Variants in ELP4 observed in about 807,000 individuals in gnomAD.
ELP4 encodes the protein elongator complex protein 4.
A neutral mutation model predicts 48.9 loss-of-function variants in ELP4; 51 were observed. That is an observed-to-expected ratio of 1.04 (90% confidence interval 0.83 to 1.32). The LOEUF is 1.32. Among genes scored for constraint, ELP4 ranks in the 40% most tolerant of loss-of-function variants. The pLI, the probability that ELP4 is intolerant of heterozygous loss-of-function variation, is 0.00. For missense variants in ELP4, 519 were observed against 514.6 expected, an observed-to-expected ratio of 1.01 and a Z score of -0.08; for synonymous variants, 210 against 189.2, an observed-to-expected ratio of 1.11 and a Z score of -0.90.
At chr11:31,541,886 G>A (rs777317847) in intron 3 of ELP4, among the ~76,000 whole-genome samples, 1 of 152,018 alleles carries the variant, frequency 6.6e-6, no homozygotes, top group Admixed American at 6.6e-5. Flanking sequence ...CAAGTAATTG[G>A]GTGTTGCAAA....
chr11:31,604,008 CATA>C lies in ELP4; in HGVS notation c.653+109_653+111del, dbSNP rs565497536. On this transcript the variant is annotated intron_variant, in intron 5 of 9. Coordinates refer to ENST00000640961, the MANE Select transcript of ELP4 (RefSeq NM_019040.5). ...AGAATACACATCTAAGGGTAAATATCATAATAATAAATATTAGTTTTCTATATA... is the reference window on the plus strand; with the variant it reads ...AGAATACACATCTAAGGGTAAATATCATAATAAATATTAGTTTTCTATATA... 567 of 824,382 alleles carry C rather than the reference CATA, an allele frequency of 6.9e-4. 2 individuals are homozygous for C. The highest frequency in any genetic ancestry group is 8.0e-4 in the South Asian group (27 of 33,738). The allele number at this position is 824,382 out of a possible 1,614,324, so 51.1% of individuals were successfully genotyped here.
intron 3 of ELP4, among the ~76,000 whole-genome samples, chr11:31,555,691 A>T (rs886769943): frequency 6.6e-6 from 1 of 151,958 alleles, no homozygotes; most frequent in African/African-American, 2.4e-5. Flanking sequence ...ACCAGTGCAA[A>T]GAGATTTCTA....
chr11:31,624,365 G>A (rs541055364), intron 5 of ELP4, among the ~76,000 whole-genome samples: 53 of 151,796 alleles, frequency 3.5e-4, no homozygotes, highest in African/African-American at 1.1e-3. Context: ...CATGTTACTG[G>A]ACTGAATAGG....
rs897750548 is a variant in ELP4, at chr11:31,521,285, TG to T, written c.259+1195del. ...GTCATACATTATGCAAAGTGCATTA[TG>T]TTTTTTTTTTTTAGCTTAATACAAC... On this transcript the variant is annotated intron_variant, in intron 2 of 9. Coordinates refer to ENST00000640961, the MANE Select transcript of ELP4 (RefSeq NM_019040.5). 7.9e-5 allele frequency among the ~76,000 whole-genome samples: 12 copies of T among 151,968 alleles called. No individual in the cohort carries two copies. In the East Asian group the frequency reaches 9.7e-4, roughly 12 times the overall value.
rs545183409 is a variant in ELP4, at chr11:31,697,433, G to C, written c.1143+47212G>C. On this transcript the variant is annotated intron_variant, in intron 9 of 9. Coordinates refer to ENST00000640961, the MANE Select transcript of ELP4 (RefSeq NM_019040.5). Reference sequence around the variant, plus strand: ...GTTTCTTGGGTTTTTTTTGATACCAGATTAAGCAGGCTTCTCTCAAAAGCA... The same window carrying C: ...GTTTCTTGGGTTTTTTTTGATACCACATTAAGCAGGCTTCTCTCAAAAGCA... 6.6e-5 allele frequency among the ~76,000 whole-genome samples: 10 copies of C among 151,970 alleles called. 1 individual carries two copies. In the South Asian group the frequency reaches 1.9e-3, roughly 28 times the overall value.
intron 9 of ELP4, chr11:31,767,350 G>A (rs1302589414): frequency 6.7e-6 from 1 of 150,258 alleles, no homozygotes; most frequent in Non-Finnish European, 1.5e-5. Context: ...GAAGTCATTG[G>A]CTCTTCTCTA....
chr11:31,626,708 A>T (rs189445798), intron 5 of ELP4, among the ~76,000 whole-genome samples: 4 of 151,998 alleles, frequency 2.6e-5, no homozygotes, highest in Admixed American at 2.0e-4. Flanking sequence ...GGTGATCAGG[A>T]CATGGATTCA....
At chr11:31,577,868 C>A (rs924484704) in intron 3 of ELP4, among the ~76,000 whole-genome samples, 9 of 152,244 alleles carry the variant, frequency 5.9e-5, no homozygotes, top group South Asian at 2.1e-4. Context: ...GGAAGCATTC[C>A]CTTTGAAAAC....
intron 9 of ELP4, among the ~76,000 whole-genome samples, chr11:31,765,764 A>G (rs1162366770): frequency 6.6e-6 from 1 of 152,128 alleles, no homozygotes; most frequent in Admixed American, 6.6e-5. Context: ...AATATTTTAG[A>G]GCATTAGTGA....
intron 9 of ELP4, among the ~76,000 whole-genome samples, chr11:31,774,498 T>A (rs183434918): frequency 6.6e-6 from 1 of 152,358 alleles, no homozygotes; most frequent in African/African-American, 2.4e-5. Context: ...AGGTAGTCCC[T>A]TCCATCTCTT....
At chr11:31,590,958 T>C (rs11031422) in intron 3 of ELP4, among the ~76,000 whole-genome samples, 39,475 of 152,102 alleles carry the variant, frequency 0.26, 5,317 homozygotes, top group South Asian at 0.34. Context: ...AACTGTATCA[T>C]TGGGCTTCAT....
chr11:31,557,121 T>C (rs983526629), intron 3 of ELP4, among the ~76,000 whole-genome samples: 2 of 151,888 alleles, frequency 1.3e-5, no homozygotes, highest in Non-Finnish European at 2.9e-5. Flanking sequence ...CATTTAGTAA[T>C]AAAGCAATAC....
chr11:31,606,497 C>A (rs1229214706), intron 5 of ELP4, among the ~76,000 whole-genome samples: 1 of 151,998 alleles, frequency 6.6e-6, no homozygotes, highest in Non-Finnish European at 1.5e-5. Flanking sequence ...AGAAAAACTG[C>A]AGATCATTTA....
At chr11:31,730,927 G>A (rs1221367210) in intron 9 of ELP4, among the ~76,000 whole-genome samples, 1 of 151,700 alleles carries the variant, frequency 6.6e-6, no homozygotes, top group Admixed American at 6.6e-5. Context: ...AAGACCTTCA[G>A]TATATCAGAG....
At chr11:31,774,464 T>TA (rs1212332328) in intron 9 of ELP4, among the ~76,000 whole-genome samples, 1 of 152,224 alleles carries the variant, frequency 6.6e-6, no homozygotes, top group Non-Finnish European at 1.5e-5. Context: ...GCCAAATTGT[T>TA]AGTCAGTTTA....
intron 9 of ELP4, among the ~76,000 whole-genome samples, chr11:31,673,662 C>T (rs562589235): frequency 6.6e-6 from 1 of 152,226 alleles, no homozygotes; most frequent in South Asian, 2.1e-4. Flanking sequence ...TCAGTTGCCA[C>T]AATTTTGGTG....
intron 3 of ELP4, among the ~76,000 whole-genome samples, chr11:31,540,717 A>T (rs1293034650): frequency 6.6e-6 from 1 of 152,240 alleles, no homozygotes; most frequent in East Asian, 1.9e-4. Flanking sequence ...GTAATATTCT[A>T]CACAGTCATG....
At chr11:31,763,464 C>T in intron 9 of ELP4, 1 of 1,610,886 alleles carries the variant, frequency 6.2e-7, no homozygotes, top group Non-Finnish European at 8.5e-7. Flanking sequence ...CTCCAGGCTT[C>T]TCATACTTAC....
At chr11:31,556,768 A>T (rs974797282) in intron 3 of ELP4, among the ~76,000 whole-genome samples, 2 of 151,944 alleles carry the variant, frequency 1.3e-5, no homozygotes, top group African/African-American at 4.8e-5. Flanking sequence ...ACTGTCCAGC[A>T]TCAGCTACAA....
Sources: allele counts gnomAD v4.1 joint callset (sites outside exome capture counted in the v4.1 genomes callset), GRCh38; gene constraint gnomAD v4.1.1; transcripts MANE v1.5; gene names NCBI Gene and HGNC (gene_info 2026-07-23, HGNC 2026-07-21).